Variants in ZNF530 observed in about 807,000 individuals in gnomAD.
The protein encoded by ZNF530 is zinc finger protein 530.
Under a neutral mutation model 2.8 loss-of-function variants are expected in ZNF530, and 5 were observed. The ratio of observed to expected loss-of-function variants is 1.80; its 90% CI spans 0.94 to 3.78. The LOEUF (loss-of-function observed/expected upper bound fraction) is 3.78. Among genes scored for constraint, ZNF530 ranks in the 30% most tolerant of loss-of-function variants. The pLI, the probability that ZNF530 is intolerant of heterozygous loss-of-function variation, is 0.00. For missense variants in ZNF530, 619 were observed against 673.3 expected (o/e 0.92, Z 0.89); for synonymous variants, 229 against 235.0 (o/e 0.97, Z 0.23).
Position 57,607,639 on chromosome 19 carries a change from C to T in ZNF530, c.*314C>T, listed in dbSNP as rs1980661247. On this transcript the variant is annotated 3_prime_UTR_variant, in exon 4 of 4. Transcript: ENST00000597700. ...GGATTACAGGCGTGAGCCACCATGT[C>T]CGGCTTGTGTTGTGACATTTAACAC... 3.3e-6 allele frequency: 1 copy of T among 300,208 alleles called. No individual in the cohort carries two copies. The highest frequency in any genetic ancestry group is 5.6e-5 in the South Asian group (1 of 17,968). The allele number at this position is 300,208 out of a possible 1,614,324, so 18.6% of individuals were successfully genotyped here. A position where few individuals can be genotyped will look rare whatever the true frequency, so the allele number is the denominator to read the frequency against.
At chr19:57,610,561 G>A (rs1980840166), downstream of ZNF530, among the ~76,000 whole-genome samples, 1 of 152,000 alleles carries the variant, frequency 6.6e-6, no homozygotes, top group Non-Finnish European at 1.5e-5. Flanking sequence ...TTGGAAACTG[G>A]ACAACTTGAC....
chr19:57,604,624 A>G, intron 3 of ZNF530: 1 of 470,710 alleles, frequency 2.1e-6, no homozygotes, highest in Non-Finnish European at 3.7e-6. Context: ...GGGAGACAGG[A>G]TCTTTCTTTC....
chr19:57,600,275 G>A (rs1225478620), intron 1 of ZNF530, 141 bp downstream of exon 1: 2 of 1,117,368 alleles, frequency 1.8e-6, no homozygotes, highest in South Asian at 2.2e-5. Context: ...AGTGTGGCAG[G>A]GAGCGGGAGA....
chr19:57,604,499 G>T, intron 3 of ZNF530, 93 bp downstream of exon 3: 1 of 1,500,238 alleles, frequency 6.7e-7, no homozygotes, highest in Non-Finnish European at 9.0e-7. Flanking sequence ...GTTAGACCCT[G>T]AGCTCTACAG....
intron 2 of ZNF530, among the ~76,000 whole-genome samples, chr19:57,603,934 C>T (rs190501838): frequency 5.3e-5 from 8 of 152,070 alleles, no homozygotes; most frequent in African/African-American, 7.2e-5. Context: ...CATATGAAGA[C>T]GGAGTGTGAG....
Position 57,609,445 on chromosome 19 carries a change from C to T in ZNF530, c.*2120C>T, listed in dbSNP as rs1430632073. ...TTCGAGACCAGCCTGGTCAACATGG[C>T]GAAACCCTGTCTCTACTAAAAGTAC... On this transcript the variant is annotated 3_prime_UTR_variant, in exon 4 of 4. Transcript: ENST00000597700. Among the ~76,000 whole-genome samples the T allele has an allele frequency of 6.6e-6, 1 of 151,980 alleles. No homozygotes were observed. The highest frequency in any genetic ancestry group is 2.4e-5 in the African/African-American group (1 of 41,358).
At position 57,604,236 on chromosome 19, in the gene ZNF530, A is replaced by G. The variant is rs114282482; in HGVS notation, c.-69-41A>G. On this transcript the variant is annotated intron_variant, in intron 2 of 3. Transcript: ENST00000597700. ...TTTGGGGGAATCAACTTGGGGTCCT[A>G]GGAAAGATGCTGACCATGGAATGAA... 578 of 1,612,548 alleles carry G rather than the reference A, an allele frequency of 3.6e-4. 7 individuals are homozygous for G. The African/African-American group carries it at 7.3e-3, about 20-fold the overall frequency.
At chr19:57,612,597 C>A, downstream of ZNF530, 1 of 398,414 alleles carries the variant, frequency 2.5e-6, no homozygotes, top group South Asian at 1.3e-4. Flanking sequence ...GGGAGGATCC[C>A]TTGAGCCCAA....
At chr19:57,612,537 C>T (rs1399581819), downstream of ZNF530, 1 of 399,802 alleles carries the variant, frequency 2.5e-6, no homozygotes, top group South Asian at 1.3e-4. Context: ...GAAAAGAGGC[C>T]TGGCATGGTG....
rs1449919995 is a variant in ZNF530, at chr19:57,606,376, A to G, written c.752A>G (p.Gln251Arg). 1.2e-6 allele frequency: 2 copies of G among 1,613,732 alleles called. No homozygotes were observed. The highest frequency in any genetic ancestry group is 2.7e-5 in the African/African-American group (2 of 75,006). Residue 251 changes from glutamine (Q) to arginine (R), a missense_variant, in exon 4 of 4, where the codon CAA (glutamine) becomes CGA (arginine). Gln to Arg is a conservative substitution (Grantham distance 43). Coordinates refer to ENST00000597700, the MANE Select transcript of ZNF530 (RefSeq NM_001321981.2). ...TTTAGTCGCAAAACTCACCTAACTC[A>G]ACACCAAAGAGTTCACACTGGAGAA... The part of the protein sequence containing the change: ...KSFSRKTHLT[Q>R]HQRVHTGERP...
Position 57,609,591 on chromosome 19 carries a change from C to T in ZNF530, c.*2266C>T, listed in dbSNP as rs1482095750. On this transcript the variant is annotated 3_prime_UTR_variant, in exon 4 of 4. Transcript: ENST00000597700. ...GAACCTGGGAGGTGAGCCGAGATCG[C>T]ACCATTGCACTTCGGCCTGGGCAAC... 6.6e-6 allele frequency among the ~76,000 whole-genome samples: 1 copy of T among 152,174 alleles called. No individual in the cohort carries two copies. The highest frequency in any genetic ancestry group is 1.5e-5 in the Non-Finnish European group (1 of 68,032).
downstream of ZNF530, among the ~76,000 whole-genome samples, chr19:57,611,421 C>T (rs185406146): frequency 3.3e-5 from 5 of 152,262 alleles, no homozygotes; most frequent in African/African-American, 7.2e-5. Context: ...CTCCTTCCTT[C>T]GGTAGGCTGT....
chr19:57,603,134 C>T (rs1980326107), intron 2 of ZNF530, among the ~76,000 whole-genome samples: 1 of 152,218 alleles, frequency 6.6e-6, no homozygotes, highest in Non-Finnish European at 1.5e-5. Flanking sequence ...AGTGATCCAC[C>T]CGCCTTGGCC....
chr19:57,610,286 T>C (rs1469869756), downstream of ZNF530, among the ~76,000 whole-genome samples: 4 of 152,198 alleles, frequency 2.6e-5, no homozygotes, highest in Non-Finnish European at 5.9e-5. Flanking sequence ...TTAGACATCA[T>C]AAAGTGTGTA....
rs1160887605 is a variant in ZNF530 at position 57,608,382 on chromosome 19, G to A, written c.*1057G>A. 6.6e-6 allele frequency: 1 copy of A among 152,162 alleles called. No homozygotes were observed. The highest frequency in any genetic ancestry group is 6.5e-5 in the Admixed American group (1 of 15,276). 9.4% of individuals were successfully genotyped at this position (152,162 alleles called of 1,614,324 possible). A position where few individuals can be genotyped will look rare whatever the true frequency, so the allele number is the denominator to read the frequency against. ...GGATTCAAATTTTGTTTGCCTCAGA[G>A]GGGACAGTATGCTCACAGAATATAG... On this transcript the variant is annotated 3_prime_UTR_variant, in exon 4 of 4. Transcript: ENST00000597700.
intron 2 of ZNF530, among the ~76,000 whole-genome samples, chr19:57,601,631 G>A (rs1255487118): frequency 6.6e-6 from 1 of 152,232 alleles, no homozygotes; most frequent in Non-Finnish European, 1.5e-5. Context: ...TCTACAAAGA[G>A]TGGAGGATAT....
At chr19:57,605,180 A>G (rs1980439546) in intron 3 of ZNF530, 1 of 152,572 alleles carries the variant, frequency 6.6e-6, no homozygotes, top group Non-Finnish European at 1.5e-5. Flanking sequence ...TCTGATTTTT[A>G]TTTCATCCAT....
chr19:57,610,499 A>G (rs1348872858), downstream of ZNF530, among the ~76,000 whole-genome samples: 1 of 151,930 alleles, frequency 6.6e-6, no homozygotes, highest in East Asian at 1.9e-4. Context: ...ATTACACCTC[A>G]ATGAACCTAT....
rs1444711982 is a variant in ZNF530, at chr19:57,605,887, G to T, written c.263G>T (p.Gly88Val). The part of the protein sequence containing the change: ...ASPCGQKLYL[G>V]GASRDFWMSS... Reference sequence around the variant, plus strand: ...CCCTGTGGACAGAAATTGTACTTGGGTGGAGCATCAAGAGATTTCTGGATG... The same window carrying T: ...CCCTGTGGACAGAAATTGTACTTGGTTGGAGCATCAAGAGATTTCTGGATG... The change falls in exon 4 of 4, where the codon GGT becomes GTT. Residue 88 changes from glycine (G) to valine (V), a missense_variant. Physicochemically the swap from Gly to Val is moderately radical, Grantham distance 109. Coordinates refer to ENST00000597700, the MANE Select transcript of ZNF530 (RefSeq NM_001321981.2). 1.2e-6 allele frequency: 2 copies of T among 1,614,094 alleles called. No individual in the cohort carries two copies. Among genetic ancestry groups the T allele is most frequent in the African/African-American group, 2.7e-5 (2 of 74,920 alleles).
Sources: gnomAD v4.1 joint callset for allele counts (sites outside exome capture counted in the v4.1 genomes callset) on GRCh38, gnomAD v4.1.1 for gene constraint, MANE v1.5 for transcripts, NCBI Gene and HGNC (gene_info 2026-07-23, HGNC 2026-07-21) for gene names.